DTD1: variants seen among roughly 807,000 people sequenced by gnomAD.
DTD1 encodes the protein D-aminoacyl-tRNA deacylase 1.
In DTD1, 13 loss-of-function variants were observed where a neutral mutation model predicts 25.6. That is an observed-to-expected ratio of 0.51 (90% CI 0.33 to 0.81). The LOEUF (loss-of-function observed/expected upper bound fraction) is 0.81, where lower values mean the gene tolerates loss of function less well. Ranked by LOEUF, DTD1 falls within the 30% of genes least tolerant of loss-of-function variation. DTD1 has a pLI of 0.02. For missense variants in DTD1, 193 were observed against 266.4 expected (o/e 0.72, Z 1.92); for synonymous variants, 110 against 103.6 (o/e 1.06, Z -0.37).
chr20:18,619,100 C>G (rs888444326), intron 3 of DTD1, among the ~76,000 whole-genome samples: 6 of 152,296 alleles, frequency 3.9e-5, no homozygotes, highest in Non-Finnish European at 7.4e-5. Context: ...CCACCTTAGC[C>G]TCCCAAAGTG....
chr20:18,600,885 C>G (rs1489571671), intron 3 of DTD1, among the ~76,000 whole-genome samples: 1 of 152,124 alleles, frequency 6.6e-6, no homozygotes, highest in Admixed American at 6.5e-5. Context: ...TTTTTAATCT[C>G]AAATTCCACT....
intron 4 of DTD1, among the ~76,000 whole-genome samples, chr20:18,660,907 C>T (rs1017864669): frequency 2.0e-4 from 30 of 152,342 alleles, no homozygotes; most frequent in Admixed American, 1.8e-3. Context: ...AAGCATCTTG[C>T]AGAACCACAG....
intron 4 of DTD1, among the ~76,000 whole-genome samples, chr20:18,650,141 A>G (rs137906583): frequency 0.011 from 1,745 of 152,260 alleles, 15 homozygotes; most frequent in Non-Finnish European, 0.018. Flanking sequence ...AGTTGGGAGG[A>G]TTGCTTGGGC....
chr20:18,727,604 C>A (rs907472914), intron 4 of DTD1, among the ~76,000 whole-genome samples: 1 of 152,164 alleles, frequency 6.6e-6, no homozygotes, highest in Admixed American at 6.5e-5. Flanking sequence ...GTGCACAGTT[C>A]ATGGCCTGTA....
intron 4 of DTD1, among the ~76,000 whole-genome samples, chr20:18,737,057 C>G (rs896530042): frequency 6.6e-6 from 1 of 152,200 alleles, no homozygotes; most frequent in African/African-American, 2.4e-5. Flanking sequence ...GGTGTTGCCT[C>G]AACTCCTCTG....
chr20:18,651,414 GT>G (rs1222520858), intron 4 of DTD1, among the ~76,000 whole-genome samples: 2 of 152,242 alleles, frequency 1.3e-5, no homozygotes, highest in African/African-American at 4.8e-5. Context: ...GCCTCCCAAA[GT>G]GCTGGGATTA....
At chr20:18,676,574 C>T (rs978075971) in intron 4 of DTD1, among the ~76,000 whole-genome samples, 15 of 152,092 alleles carry the variant, frequency 9.9e-5, no homozygotes, top group African/African-American at 3.1e-4. Flanking sequence ...GGAAAATTGA[C>T]GGTTGTATGT....
At chr20:18,597,980 A>G (rs959057939) in intron 3 of DTD1, among the ~76,000 whole-genome samples, 1 of 123,330 alleles carries the variant, frequency 8.1e-6, no homozygotes, top group African/African-American at 2.9e-5. Flanking sequence ...TTTTCTCCCA[A>G]CATTTTGTCT....
intron 4 of DTD1, among the ~76,000 whole-genome samples, chr20:18,697,125 G>A (rs972528517): frequency 5.9e-5 from 9 of 151,634 alleles, no homozygotes; most frequent in African/African-American, 2.2e-4. Context: ...CCAGCTATTC[G>A]GGAGGCTGTG....
At chr20:18,657,256 G>A (rs2060894605) in intron 4 of DTD1, among the ~76,000 whole-genome samples, 1 of 152,152 alleles carries the variant, frequency 6.6e-6, no homozygotes, top group Non-Finnish European at 1.5e-5. Context: ...CCGATTAACA[G>A]GTAACCTAGC....
At chr20:18,689,829 T>G (rs189229006) in intron 4 of DTD1, among the ~76,000 whole-genome samples, 2 of 26,996 alleles carry the variant, frequency 7.4e-5, no homozygotes, top group Non-Finnish European at 2.5e-4. Flanking sequence ...TAATTAAAAA[T>G]TTTTTCATAA....
chr20:18,640,282 CAT>C (rs2060823563), intron 4 of DTD1, among the ~76,000 whole-genome samples: 2 of 152,014 alleles, frequency 1.3e-5, no homozygotes, highest in Middle Eastern at 3.4e-3. Context: ...TCTTTTTTCT[CAT>C]GAGTCCATAA....
At chr20:18,746,056 G>T (rs746384214) in intron 5 of DTD1, among the ~76,000 whole-genome samples, 1 of 152,194 alleles carries the variant, frequency 6.6e-6, no homozygotes. Context: ...TAGATTGGAA[G>T]AGGAGACATC....
chr20:18,639,066 A>G (rs551557793), intron 4 of DTD1, among the ~76,000 whole-genome samples: 4 of 151,958 alleles, frequency 2.6e-5, no homozygotes, highest in South Asian at 2.1e-4. Context: ...ATGAGTTTCT[A>G]TGATGACATC....
rs376221842 is a variant in DTD1 at position 18,714,305 on chromosome 20, A to G, written c.478-29795A>G. ...TTCCCAACCACTTGTGTGTTTGTTTATTTCCTCTGATCTGGGGTACTGTTT... is the reference window on the plus strand; with the variant it reads ...TTCCCAACCACTTGTGTGTTTGTTTGTTTCCTCTGATCTGGGGTACTGTTT... On this transcript the variant is annotated intron_variant, in intron 4 of 5. Coordinates refer to ENST00000377452, the MANE Select transcript of DTD1 (RefSeq NM_080820.6). Among the ~76,000 whole-genome samples, 11 of 152,036 alleles carry G rather than the reference A, an allele frequency of 7.2e-5. No individual in the cohort carries two copies. In the South Asian group the frequency reaches 2.3e-3, roughly 32 times the overall value.
intron 2 of DTD1, among the ~76,000 whole-genome samples, chr20:18,595,101 G>A (rs949269801): frequency 1.3e-5 from 2 of 152,164 alleles, no homozygotes; most frequent in African/African-American, 4.8e-5. Flanking sequence ...GATGTCACCT[G>A]GTCAACTTTC....
intron 4 of DTD1, among the ~76,000 whole-genome samples, chr20:18,711,328 C>T (rs1199581829): frequency 6.6e-6 from 1 of 152,188 alleles, no homozygotes. Flanking sequence ...CTCCGGGACT[C>T]TCAACCCCAT....
chr20:18,757,287 G>T (rs1307571246), intron 5 of DTD1, among the ~76,000 whole-genome samples: 1 of 152,188 alleles, frequency 6.6e-6, no homozygotes, highest in Non-Finnish European at 1.5e-5. Flanking sequence ...TGATTGCCCT[G>T]GCCAGAACTT....
intron 3 of DTD1, among the ~76,000 whole-genome samples, chr20:18,608,099 A>G (rs146131187): frequency 4.1e-4 from 63 of 151,902 alleles, no homozygotes; most frequent in African/African-American, 1.5e-3. Context: ...TTTCTTTGGG[A>G]ACCCTGAGAA....
Sources: gnomAD v4.1 joint callset for allele counts (sites outside exome capture counted in the v4.1 genomes callset) on GRCh38, gnomAD v4.1.1 for gene constraint, MANE v1.5 for transcripts, NCBI Gene and HGNC (gene_info 2026-07-23, HGNC 2026-07-21) for gene names.